EBF1: variants seen among roughly 807,000 people sequenced by gnomAD.
The protein encoded by EBF1 is transcription factor COE1.
In EBF1, 10 loss-of-function variants were observed where a neutral mutation model predicts 68.4. The observed-to-expected ratio is 0.15, with a 90% CI of 0.09 to 0.25. The LOEUF (loss-of-function observed/expected upper bound fraction) is 0.25. Among genes scored for constraint, EBF1 ranks in the 10% least tolerant of loss-of-function variants. EBF1 has a pLI of 1.00. For missense variants in EBF1, 509 were observed against 794.4 expected (o/e 0.64, Z 4.32); for synonymous variants, 298 against 299.8 (o/e 0.99, Z 0.06).
chr5:158,765,644 G>A (rs1772495532), intron 10 of EBF1, among the ~76,000 whole-genome samples: 1 of 152,216 alleles, frequency 6.6e-6, no homozygotes, highest in South Asian at 2.1e-4. Context: ...GAACAGCAGT[G>A]GGTATGAGGG....
intron 6 of EBF1, among the ~76,000 whole-genome samples, chr5:159,034,412 T>G (rs1769601477): frequency 6.6e-6 from 1 of 152,322 alleles, no homozygotes; most frequent in South Asian, 2.1e-4. Context: ...ATATATTTTT[T>G]GTGTTTCATA....
At chr5:158,994,904 G>A (rs927525896) in intron 6 of EBF1, among the ~76,000 whole-genome samples, 1 of 152,068 alleles carries the variant, frequency 6.6e-6, no homozygotes, top group Non-Finnish European at 1.5e-5. Context: ...AATTTATTCT[G>A]AATTTAACAC....
chr5:158,929,696 G>C (rs1343317942), intron 6 of EBF1, among the ~76,000 whole-genome samples: 4 of 151,622 alleles, frequency 2.6e-5, no homozygotes, highest in Non-Finnish European at 3.0e-5. Flanking sequence ...CCTAATGCTT[G>C]TGTACAGAGA....
intron 6 of EBF1, among the ~76,000 whole-genome samples, chr5:158,980,639 A>C (rs1342881519): frequency 6.6e-6 from 1 of 152,254 alleles, no homozygotes; most frequent in African/African-American, 2.4e-5. Flanking sequence ...TGTGAATATA[A>C]ATAACTAACA....
chr5:158,996,604 A>G (rs779801200), intron 6 of EBF1, among the ~76,000 whole-genome samples: 3 of 152,186 alleles, frequency 2.0e-5, no homozygotes, highest in Non-Finnish European at 2.9e-5. Context: ...TATTGGTGGA[A>G]AGTGAGGCGA....
At chr5:158,891,359 T>A (rs954057856) in intron 6 of EBF1, among the ~76,000 whole-genome samples, 1 of 152,208 alleles carries the variant, frequency 6.6e-6, no homozygotes, top group Non-Finnish European at 1.5e-5. Context: ...AAGAAGCTCA[T>A]CCTTCTCTTA....
chr5:159,078,159 G>C (rs2127961087), intron 5 of EBF1, among the ~76,000 whole-genome samples: 1 of 152,274 alleles, frequency 6.6e-6, no homozygotes, highest in South Asian at 2.1e-4. Context: ...TGGCTTCCTA[G>C]AGCCGAGCAG....
At chr5:159,002,817 G>T (rs941254644) in intron 6 of EBF1, among the ~76,000 whole-genome samples, 52 of 152,174 alleles carry the variant, frequency 3.4e-4, no homozygotes, top group African/African-American at 1.3e-3. Context: ...AAGTAAAAAG[G>T]ATCTGTCATG....
At position 159,099,543 on chromosome 5, in the gene EBF1, GAAAGA is replaced by G; in HGVS notation, c.-70_-66del. ...AAAAAAATTAAAAAAAAAAAAAAAGGAAAGAAAAGAAAGAAAAGAAAAGAAACAAA... is the reference window on the plus strand; with the variant it reads ...AAAAAAATTAAAAAAAAAAAAAAAGGAAAGAAAGAAAAGAAAAGAAACAAA... On this transcript the variant is annotated 5_prime_UTR_variant, in exon 1 of 16. Transcript: ENST00000313708. 8.1e-7 allele frequency: 1 copy of G among 1,240,444 alleles called. No homozygotes were observed. The highest frequency in any genetic ancestry group is 1.1e-6 in the Non-Finnish European group (1 of 951,494). 76.8% of individuals were successfully genotyped at this position (1,240,444 alleles called of 1,614,324 possible). A position where few individuals can be genotyped will look rare whatever the true frequency, so the allele number is the denominator to read the frequency against.
chr5:158,915,973 G>A (rs544154111), intron 6 of EBF1, among the ~76,000 whole-genome samples: 2 of 152,054 alleles, frequency 1.3e-5, no homozygotes, highest in Non-Finnish European at 2.9e-5. Flanking sequence ...TTACTGATTC[G>A]CAATGTCCTG....
intron 6 of EBF1, among the ~76,000 whole-genome samples, chr5:158,882,099 C>G (rs754931068): frequency 4.6e-5 from 7 of 152,174 alleles, no homozygotes; most frequent in Non-Finnish European, 8.8e-5. Context: ...ATGGTACACA[C>G]ATTACTATTT....
At chr5:159,027,857 G>A (rs115255047) in intron 6 of EBF1, among the ~76,000 whole-genome samples, 1 of 152,288 alleles carries the variant, frequency 6.6e-6, no homozygotes, top group African/African-American at 2.4e-5. Flanking sequence ...TGCAGCTCCT[G>A]AGTTGTACAA....
intron 7 of EBF1, 81 bp downstream of exon 7, chr5:158,839,947 CG>C: frequency 7.3e-7 from 1 of 1,374,368 alleles, no homozygotes; most frequent in Non-Finnish European, 1.0e-6. Flanking sequence ...AAAAAAGCTA[CG>C]TATCTTCTGC....
intron 6 of EBF1, among the ~76,000 whole-genome samples, chr5:158,867,567 G>A (rs2128049880): frequency 6.6e-6 from 1 of 152,148 alleles, no homozygotes; most frequent in East Asian, 1.9e-4. Flanking sequence ...AACTCTAGGG[G>A]CAAAGAAGGC....
intron 6 of EBF1, among the ~76,000 whole-genome samples, chr5:158,946,934 A>G (rs562355292): frequency 1.7e-4 from 26 of 152,278 alleles, no homozygotes; most frequent in Admixed American, 1.7e-3. Flanking sequence ...GCTCTGTGGC[A>G]CTGCAGTGAG....
At chr5:159,086,998 A>C (rs1051022726) in intron 4 of EBF1, among the ~76,000 whole-genome samples, 2 of 152,054 alleles carry the variant, frequency 1.3e-5, no homozygotes, top group African/African-American at 4.8e-5. Flanking sequence ...TCCTGAAAAC[A>C]TTTTAAAAAA....
intron 6 of EBF1, among the ~76,000 whole-genome samples, chr5:159,000,310 G>A (rs1372326616): frequency 6.6e-6 from 1 of 151,906 alleles, no homozygotes; most frequent in Non-Finnish European, 1.5e-5. Context: ...TTACATCTTC[G>A]TAGTATTCTT....
intron 6 of EBF1, among the ~76,000 whole-genome samples, chr5:159,061,092 A>G (rs950873584): frequency 1.3e-5 from 2 of 152,148 alleles, no homozygotes; most frequent in African/African-American, 4.8e-5. Context: ...GCAAAATTAA[A>G]GATGCAGGGT....
intron 6 of EBF1, among the ~76,000 whole-genome samples, chr5:158,997,229 C>A (rs1237487917): frequency 6.6e-6 from 1 of 152,124 alleles, no homozygotes; most frequent in Admixed American, 6.5e-5. Context: ...CAAGAGTGGG[C>A]AGTTTCCAGG....
Sources: allele counts gnomAD v4.1 joint callset (sites outside exome capture counted in the v4.1 genomes callset), GRCh38; gene constraint gnomAD v4.1.1; transcripts MANE v1.5; gene names NCBI Gene and HGNC (gene_info 2026-07-23, HGNC 2026-07-21).